The following OSBPL1A variants were observed in gnomAD, a reference collection of about 807,000 sequenced individuals.
The protein encoded by OSBPL1A is oxysterol-binding protein-related protein 1.
Under a neutral mutation model 137.1 loss-of-function variants are expected in OSBPL1A, and 80 were observed. The observed-to-expected ratio is 0.58, with a 90% confidence interval of 0.49 to 0.70. The LOEUF is 0.70. OSBPL1A is among the 30% of genes least tolerant of loss of function. OSBPL1A has a pLI of 0.00. For synonymous variants in OSBPL1A, 365 were observed against 389.7 expected (o/e 0.94, Z 0.75); for missense variants, 970 against 1,129.4 (o/e 0.86, Z 2.02).
intron 1 of OSBPL1A, among the ~76,000 whole-genome samples, chr18:24,383,965 A>G (rs1906779264): frequency 1.3e-5 from 2 of 152,370 alleles, no homozygotes; most frequent in Admixed American, 1.3e-4. Flanking sequence ...GCAAACATGC[A>G]AACGACAACC....
chr18:24,223,210 C>A (rs565638796), intron 17 of OSBPL1A, among the ~76,000 whole-genome samples: 2 of 151,928 alleles, frequency 1.3e-5, no homozygotes, highest in Non-Finnish European at 2.9e-5. Context: ...AGGGTGCAGG[C>A]AAGAGGGATG....
intron 1 of OSBPL1A, 134 bp downstream of exon 1, chr18:24,397,521 C>T (rs1277522980): frequency 6.6e-6 from 1 of 152,272 alleles, no homozygotes; most frequent in Non-Finnish European, 1.5e-5. Flanking sequence ...CCCGACCATC[C>T]TCTGAGACGC....
chr18:24,177,512 T>C (rs1392522415), intron 21 of OSBPL1A, among the ~76,000 whole-genome samples: 5 of 152,236 alleles, frequency 3.3e-5, no homozygotes, highest in Admixed American at 6.5e-5. Context: ...CCGGGGTATC[T>C]AGTTGTAATC....
At chr18:24,222,831 T>G (rs1030191066) in intron 17 of OSBPL1A, among the ~76,000 whole-genome samples, 1 of 152,166 alleles carries the variant, frequency 6.6e-6, no homozygotes, top group Non-Finnish European at 1.5e-5. Context: ...AAAAATAGTT[T>G]ATAATCCGTA....
chr18:24,197,442 T>C (rs1488868440), intron 17 of OSBPL1A, among the ~76,000 whole-genome samples: 1 of 152,250 alleles, frequency 6.6e-6, no homozygotes, highest in Non-Finnish European at 1.5e-5. Context: ...AAAATTATCT[T>C]CTGAAGAACC....
chr18:24,163,515 G>C (rs1196951018), intron 27 of OSBPL1A, among the ~76,000 whole-genome samples: 1 of 152,166 alleles, frequency 6.6e-6, no homozygotes, highest in Admixed American at 6.5e-5. Context: ...TTTCCCACCA[G>C]GATCTAGCAA....
rs1555625054 is a variant in OSBPL1A at position 24,175,117 on chromosome 18, T to TATATATATATATATAC, written c.2094-2635_2094-2634insGTATATATATATATAT. Among the ~76,000 whole-genome samples the TATATATATATATATAC allele has an allele frequency of 8.4e-4, 30 of 35,626 alleles. 1 individual carries two copies. The highest frequency in any genetic ancestry group is 1.5e-3 in the African/African-American group (27 of 17,474). 23.4% of individuals were successfully genotyped at this position (35,626 alleles called of 152,430 possible). On this transcript the variant is annotated intron_variant, in intron 21 of 27. Coordinates refer to ENST00000319481, the MANE Select transcript of OSBPL1A (RefSeq NM_080597.4). ...TATTTGCCATGTGTATGTATATATA[T>TATATATATATATATAC]ATATATATATATATATATACACATA...
Position 24,271,760 on chromosome 18 carries a change from G to T in OSBPL1A, c.1281+9082C>A. The T allele has an allele frequency of 4.1e-6, 4 of 985,528 alleles. No individual in the cohort carries two copies. Among genetic ancestry groups the T allele is most frequent in the Non-Finnish European group, 4.8e-6 (4 of 830,058 alleles). The allele number at this position is 985,528 out of a possible 1,614,324, so 61.0% of individuals were successfully genotyped here. On this transcript the variant is annotated intron_variant, in intron 15 of 27. Transcript: ENST00000319481. The surrounding 1 kb of genome is among the most constrained non-coding windows in gnomAD (Gnocchi z 4.0). ...AGCCGATCCGGGAGGCGCGACCCAGGGCGGCCCGCAAGGTCTCCCTAAGTC... is the reference window on the plus strand; with the variant it reads ...AGCCGATCCGGGAGGCGCGACCCAGTGCGGCCCGCAAGGTCTCCCTAAGTC...
At chr18:24,329,536 T>C (rs1002381322) in intron 7 of OSBPL1A, among the ~76,000 whole-genome samples, 3 of 134,638 alleles carry the variant, frequency 2.2e-5, no homozygotes, top group Non-Finnish European at 3.1e-5. Context: ...GGTGACAGAG[T>C]GAAACTCTGT....
chr18:24,372,677 C>T (rs1905753341), intron 2 of OSBPL1A, among the ~76,000 whole-genome samples: 1 of 152,160 alleles, frequency 6.6e-6, no homozygotes, highest in African/African-American at 2.4e-5. Context: ...CCATCCAAAC[C>T]ACACTGTCTC....
Position 24,305,977 on chromosome 18 carries a change from T to G in OSBPL1A, c.1093-2259A>C, listed in dbSNP as rs144257275. On this transcript the variant is annotated intron_variant, in intron 13 of 27. Coordinates refer to ENST00000319481, the MANE Select transcript of OSBPL1A (RefSeq NM_080597.4). ...CAATTAAACCTCTTTCCTTTATAAA[T>G]TACCCAGTCTGGGGTATGTCTTTAT... Among the ~76,000 whole-genome samples, 1,477 of 152,320 alleles carry G rather than the reference T, an allele frequency of 9.7e-3. 21 individuals carry two copies. Among genetic ancestry groups the G allele is most frequent in the Non-Finnish European group, 0.012 (802 of 68,032 alleles).
intron 13 of OSBPL1A, among the ~76,000 whole-genome samples, chr18:24,308,845 C>T (rs949786083): frequency 6.6e-6 from 1 of 152,052 alleles, no homozygotes. Flanking sequence ...TCACTGCAAC[C>T]TGTGCGCCCC....
chr18:24,182,886 T>G (rs1338688394), intron 18 of OSBPL1A, among the ~76,000 whole-genome samples: 1 of 151,992 alleles, frequency 6.6e-6, no homozygotes, highest in Non-Finnish European at 1.5e-5. Context: ...TTTTTTTTTT[T>G]GAGATGGAGT....
chr18:24,215,944 T>G (rs560882292), intron 17 of OSBPL1A, among the ~76,000 whole-genome samples: 1 of 152,310 alleles, frequency 6.6e-6, no homozygotes, highest in South Asian at 2.1e-4. Context: ...TAATAAATAT[T>G]TAACTGCTTC....
chr18:24,173,332 G>A (rs544756762), intron 21 of OSBPL1A, among the ~76,000 whole-genome samples: 18 of 152,146 alleles, frequency 1.2e-4, no homozygotes, highest in East Asian at 3.9e-4. Flanking sequence ...AAACAAACCC[G>A]CATGACAACA....
rs1270800766 is a variant in OSBPL1A, at chr18:24,171,479, A to G, written c.2221T>C (p.Leu741=). ...AAAAGGCCACATGGCTTAAAATTCA[A>G]CACACATTTGTCCCCAGTCCTATAA... ...INHKTGDKCV[L]NFKPCGLFGK... The change falls in exon 23 of 28, where the codon TTG becomes CTG. Residue 741 remains leucine (L), a synonymous_variant. Transcript: ENST00000319481. The G allele has an allele frequency of 2.5e-6, 4 of 1,613,630 alleles. No homozygotes were observed. The highest frequency in any genetic ancestry group is 2.2e-5 in the East Asian group (1 of 44,868).
intron 18 of OSBPL1A, among the ~76,000 whole-genome samples, chr18:24,187,792 C>T (rs1224695872): frequency 6.6e-6 from 1 of 152,162 alleles, no homozygotes; most frequent in South Asian, 2.1e-4. Context: ...GGCATAGGGA[C>T]CTGGGCTTAA....
chr18:24,383,425 A>T (rs1206644394), intron 1 of OSBPL1A, among the ~76,000 whole-genome samples: 3 of 152,366 alleles, frequency 2.0e-5, no homozygotes, highest in Non-Finnish European at 2.9e-5. Context: ...GATTAAAAAA[A>T]TTCTCAAGTT....
intron 4 of OSBPL1A, among the ~76,000 whole-genome samples, chr18:24,356,449 C>A (rs1367662534): frequency 6.6e-6 from 1 of 152,102 alleles, no homozygotes; most frequent in East Asian, 1.9e-4. Context: ...ACCAAGAGAT[C>A]CAAAATGTCA....
Sources: allele counts gnomAD v4.1 joint callset (sites outside exome capture counted in the v4.1 genomes callset), GRCh38; gene constraint gnomAD v4.1.1; non-coding constraint Gnocchi (gnomAD v3.1); transcripts MANE v1.5; gene names NCBI Gene and HGNC (gene_info 2026-07-23, HGNC 2026-07-21).